The following NMNAT3 variants were observed in gnomAD, a reference collection of about 807,000 sequenced individuals.
NMNAT3 encodes nicotinamide/nicotinic acid mononucleotide adenylyltransferase 3.
In NMNAT3, 21 loss-of-function variants were observed where a neutral mutation model predicts 24.8. That is an observed-to-expected ratio of 0.85 (90% CI 0.60 to 1.22). The LOEUF (loss-of-function observed/expected upper bound fraction) is 1.22. NMNAT3 is among the 50% of genes most tolerant of loss of function. The pLI is 0.00. For missense variants in NMNAT3, 387 were observed against 436.6 expected (o/e 0.89, Z 1.01); for synonymous variants, 136 against 155.2 (o/e 0.88, Z 0.92).
intron 6 of NMNAT3, among the ~76,000 whole-genome samples, chr3:139,562,048 C>A (rs550587781): frequency 1.3e-5 from 2 of 152,234 alleles, no homozygotes; most frequent in Admixed American, 1.3e-4. Context: ...TGAAATAATA[C>A]ATAACATTTA....
intron 1 of NMNAT3, among the ~76,000 whole-genome samples, chr3:139,674,289 G>A (rs146880567): frequency 8.9e-4 from 135 of 152,322 alleles, no homozygotes; most frequent in African/African-American, 3.1e-3. Flanking sequence ...TGGCACATGG[G>A]TCTATGTGTA....
chr3:139,583,154 A>G lies in NMNAT3; in HGVS notation c.164T>C (p.Ile55Thr). Residue 55 changes from isoleucine to threonine, a missense_variant, in exon 4 of 7, where the codon ATC (isoleucine) becomes ACC (threonine). Physicochemically the swap from Ile to Thr is moderately conservative, Grantham distance 89. Around this residue, in one of 3 missense-constraint regions of NMNAT3, gnomAD observed 13 missense variants for 35.8 expected, o/e 0.36. Transcript: ENST00000643695. ...ATGAAAAGAAATATCTTTTATTGAG[A>G]TAGACTGAGGTCCAGGAAAAACAAG... 7.3e-7 allele frequency: 1 copy of G among 1,366,626 alleles called. No individual in the cohort carries two copies. The highest frequency in any genetic ancestry group is 1.0e-6 in the Non-Finnish European group (1 of 961,372). The allele number at this position is 1,366,626 out of a possible 1,614,324, so 84.7% of individuals were successfully genotyped here. A position where few individuals can be genotyped will look rare whatever the true frequency, so the allele number is the denominator to read the frequency against.
At chr3:139,564,809 C>A (rs976127625) in intron 6 of NMNAT3, among the ~76,000 whole-genome samples, 18 of 152,204 alleles carry the variant, frequency 1.2e-4, no homozygotes, top group Non-Finnish European at 2.4e-4. Context: ...ATTCCACCTT[C>A]CTGTTTTTAA....
intron 3 of NMNAT3, among the ~76,000 whole-genome samples, chr3:139,600,900 G>C (rs1042559229): frequency 6.6e-6 from 1 of 152,114 alleles, no homozygotes; most frequent in Non-Finnish European, 1.5e-5. Flanking sequence ...TTAACACCCA[G>C]CTGTGTCTCT....
chr3:139,560,950 A>T lies in NMNAT3; in HGVS notation c.*60T>A, dbSNP rs189721838. ...AAAACCAAAGTAAAACAGAAACCTT[A>T]ACAGCCCTCTCCCCAGCAGGAGCTT... On this transcript the variant is annotated 3_prime_UTR_variant, in exon 7 of 7. Coordinates refer to ENST00000643695, the MANE Select transcript of NMNAT3 (RefSeq NM_001320510.2). The T allele has an allele frequency of 2.0e-4, 307 of 1,527,552 alleles. 1 individual carries two copies. In the African/African-American group the frequency reaches 3.9e-3, roughly 19 times the overall value. The allele number at this position is 1,527,552 out of a possible 1,614,324, so 94.6% of individuals were successfully genotyped here.
At chr3:139,645,333 A>G (rs1164376676) in intron 1 of NMNAT3, among the ~76,000 whole-genome samples, 1 of 152,224 alleles carries the variant, frequency 6.6e-6, no homozygotes, top group Non-Finnish European at 1.5e-5. Context: ...GATGAATGAG[A>G]GGCACAGATT....
intron 6 of NMNAT3, chr3:139,569,280 T>G (rs1224944616): frequency 6.7e-6 from 1 of 148,232 alleles, no homozygotes; most frequent in Non-Finnish European, 1.5e-5. Flanking sequence ...CACTGATGGG[T>G]CTTGACTCTT....
Position 139,627,633 on chromosome 3 carries a change from T to C in NMNAT3, c.92A>G (p.Asp31Gly), listed in dbSNP as rs1324486785. 4 of 1,591,376 alleles carry C rather than the reference T, an allele frequency of 2.5e-6. 1 individual carries two copies. Among genetic ancestry groups the C allele is most frequent in the Admixed American group, 3.4e-5 (2 of 59,582 alleles). The stretch of plus-strand genomic sequence containing the variant: ...TGACTGACCTGTTTGGTGTAGGTGA[T>C]CTCTGGCCACCTCAAACATGCGCAG... The change falls in exon 3 of 7, where the codon GAT becomes GGT. Residue 31 changes from aspartate to glycine, a missense_variant. Coordinates refer to ENST00000643695, the MANE Select transcript of NMNAT3 (RefSeq NM_001320510.2).
intron 3 of NMNAT3, among the ~76,000 whole-genome samples, chr3:139,596,251 A>G (rs1414232956): frequency 6.6e-6 from 1 of 152,180 alleles, no homozygotes; most frequent in East Asian, 1.9e-4. Flanking sequence ...GATAAAGGCA[A>G]CATTTAGGCC....
At chr3:139,636,769 A>C (rs1318755817) in intron 2 of NMNAT3, 1 of 152,194 alleles carries the variant, frequency 6.6e-6, no homozygotes, top group Non-Finnish European at 1.5e-5. Context: ...GTTTTTAGCA[A>C]TGTTATGAGT....
intron 2 of NMNAT3, among the ~76,000 whole-genome samples, chr3:139,628,382 TTGAGAG>T (rs1411885071): frequency 1.3e-5 from 2 of 152,244 alleles, no homozygotes; most frequent in African/African-American, 4.8e-5. Flanking sequence ...TCTGAAATGT[TTGAGAG>T]TAAGTCATAG....
chr3:139,659,310 A>G (rs1167642252), intron 1 of NMNAT3, among the ~76,000 whole-genome samples: 1 of 152,194 alleles, frequency 6.6e-6, no homozygotes, highest in African/African-American at 2.4e-5. Flanking sequence ...CCTCTGGCCC[A>G]CGAGAGTGTA....
intron 1 of NMNAT3, among the ~76,000 whole-genome samples, chr3:139,672,411 T>C (rs1472397193): frequency 6.6e-6 from 1 of 152,230 alleles, no homozygotes; most frequent in Non-Finnish European, 1.5e-5. Flanking sequence ...ACCCTTTTCA[T>C]AAATATCCAC....
intron 3 of NMNAT3, among the ~76,000 whole-genome samples, chr3:139,596,296 C>T (rs894707426): frequency 6.6e-6 from 1 of 152,170 alleles, no homozygotes; most frequent in Non-Finnish European, 1.5e-5. Context: ...TGGAAATATA[C>T]TGCCTGTGTA....
chr3:139,623,864 A>G (rs973889983), intron 3 of NMNAT3, among the ~76,000 whole-genome samples: 25 of 152,218 alleles, frequency 1.6e-4, no homozygotes, highest in Non-Finnish European at 3.1e-4. Flanking sequence ...GGTGTGAACC[A>G]CCATGCCCGG....
intron 3 of NMNAT3, among the ~76,000 whole-genome samples, chr3:139,605,386 C>T (rs1032059595): frequency 3.3e-5 from 5 of 152,150 alleles, no homozygotes; most frequent in African/African-American, 9.7e-5. Flanking sequence ...CAGAATTAAT[C>T]TGTGAGGGTA....
intron 3 of NMNAT3, among the ~76,000 whole-genome samples, chr3:139,590,987 A>G (rs1233323300): frequency 6.6e-6 from 1 of 152,240 alleles, no homozygotes; most frequent in East Asian, 1.9e-4. Flanking sequence ...GAATAGGAAC[A>G]GCTCCGGTCT....
At chr3:139,613,454 A>C (rs1333045756) in intron 3 of NMNAT3, among the ~76,000 whole-genome samples, 4 of 152,266 alleles carry the variant, frequency 2.6e-5, no homozygotes, top group Admixed American at 6.5e-5. Context: ...CATACCAGTT[A>C]GGATGGCAAT....
intron 6 of NMNAT3, chr3:139,565,732 T>A: frequency 6.6e-6 from 1 of 152,250 alleles, no homozygotes; most frequent in Non-Finnish European, 1.5e-5. Context: ...ATGGTGTATA[T>A]GTGCCACATT....
Sources: gnomAD v4.1 joint callset for allele counts (sites outside exome capture counted in the v4.1 genomes callset) on GRCh38, gnomAD v4.1.1 for gene constraint, gnomAD v4.1.1 regional missense constraint, MANE v1.5 for transcripts, NCBI Gene and HGNC (gene_info 2026-07-23, HGNC 2026-07-21) for gene names.